Variants in TBCK observed in about 807,000 individuals in gnomAD.
The protein encoded by TBCK is TBC domain-containing protein kinase-like protein.
Under a neutral mutation model 113.4 loss-of-function variants are expected in TBCK, and 99 were observed. That is an observed-to-expected ratio of 0.87 (90% CI 0.74 to 1.03). The LOEUF is 1.03. Among genes scored for constraint, TBCK ranks in the 50% least tolerant of loss-of-function variants. The pLI, the probability that TBCK is intolerant of heterozygous loss-of-function variation, is 0.00. For missense variants in TBCK, 1,045 were observed against 1,061.3 expected (o/e 0.98, Z 0.21); for synonymous variants, 369 against 370.8 (o/e 1.00, Z 0.05).
intron 25 of TBCK, among the ~76,000 whole-genome samples, chr4:106,060,275 T>C (rs1013434354): frequency 2.6e-5 from 4 of 151,726 alleles, no homozygotes; most frequent in African/African-American, 9.7e-5. Flanking sequence ...TAACTAGAGA[T>C]AAGAGATCAA....
intron 23 of TBCK, among the ~76,000 whole-genome samples, chr4:106,158,275 C>A (rs1365964116): frequency 1.3e-5 from 2 of 152,020 alleles, no homozygotes; most frequent in African/African-American, 4.8e-5. Flanking sequence ...ACAGGCCGGG[C>A]GTGGTGGCTC....
intron 14 of TBCK, among the ~76,000 whole-genome samples, chr4:106,235,983 A>G (rs1759414862): frequency 6.6e-6 from 1 of 151,996 alleles, no homozygotes; most frequent in South Asian, 2.1e-4. Context: ...TCACTTTGCT[A>G]ATGCAGTATG....
intron 12 of TBCK, among the ~76,000 whole-genome samples, chr4:106,240,021 G>GA (rs913532338): frequency 2.3e-4 from 35 of 151,774 alleles, no homozygotes; most frequent in African/African-American, 8.0e-4. Flanking sequence ...TATAAAAAAG[G>GA]AAAAATGAAA....
chr4:106,281,742 C>T (rs1764617447), intron 3 of TBCK, among the ~76,000 whole-genome samples: 1 of 152,108 alleles, frequency 6.6e-6, no homozygotes, highest in Admixed American at 6.6e-5. Flanking sequence ...GTTGAACCAT[C>T]CTTGCATCCC....
chr4:106,187,536 C>G (rs1753165155), intron 22 of TBCK, among the ~76,000 whole-genome samples: 1 of 152,092 alleles, frequency 6.6e-6, no homozygotes, highest in African/African-American at 2.4e-5. Flanking sequence ...CTTGCCTCAG[C>G]CTCCTGAGTA....
intron 19 of TBCK, chr4:106,213,428 G>A (rs1756410541): frequency 6.3e-6 from 1 of 158,882 alleles, no homozygotes; most frequent in Non-Finnish European, 1.4e-5. Context: ...GCAGAAGACA[G>A]GTGATTTCTG....
At chr4:106,209,275 T>G (rs545010626) in intron 20 of TBCK, among the ~76,000 whole-genome samples, 66 of 152,260 alleles carry the variant, frequency 4.3e-4, no homozygotes, top group Non-Finnish European at 8.2e-4. Flanking sequence ...TATTGAGTAA[T>G]TCACTCACCC....
chr4:106,105,739 A>C (rs1168244170), intron 24 of TBCK, among the ~76,000 whole-genome samples: 5 of 150,374 alleles, frequency 3.3e-5, no homozygotes, highest in African/African-American at 1.2e-4. Context: ...GAAAATATCC[A>C]GAAAATAAGT....
In TBCK at chr4:106,241,138, T is replaced by C. The variant is rs560404369; in HGVS notation, c.1170+1332A>G. ...AATAAAATGTTGGAAAAAATCATAC[T>C]CATACTTACATATATATATATATTC... On this transcript the variant is annotated intron_variant, in intron 12 of 25. Coordinates refer to ENST00000394708, the MANE Select transcript of TBCK (RefSeq NM_001163435.3). Among the ~76,000 whole-genome samples the C allele has an allele frequency of 1.2e-3, 176 of 151,952 alleles. 1 individual carries two copies. Among genetic ancestry groups the C allele is most frequent in the Admixed American group, 2.2e-3 (33 of 15,224 alleles).
At chr4:106,251,454 A>G (rs570635052) in intron 6 of TBCK, among the ~76,000 whole-genome samples, 2 of 152,086 alleles carry the variant, frequency 1.3e-5, no homozygotes, top group South Asian at 2.1e-4. Context: ...AACTACAGGT[A>G]GAGTTCATTG....
intron 23 of TBCK, among the ~76,000 whole-genome samples, chr4:106,170,631 A>G (rs1750875109): frequency 1.3e-5 from 2 of 152,136 alleles, no homozygotes; most frequent in South Asian, 4.1e-4. Context: ...TGTATGAATT[A>G]TTATAACTGA....
At chr4:106,240,731 C>T (rs989269805) in intron 12 of TBCK, among the ~76,000 whole-genome samples, 1 of 151,888 alleles carries the variant, frequency 6.6e-6, no homozygotes, top group East Asian at 1.9e-4. Flanking sequence ...ATAAACAAAT[C>T]TTAAACTCTA....
intron 19 of TBCK, among the ~76,000 whole-genome samples, chr4:106,220,174 CAT>C (rs1277167226): frequency 6.6e-6 from 1 of 152,158 alleles, no homozygotes; most frequent in East Asian, 1.9e-4. Flanking sequence ...AGAATTCCCA[CAT>C]GTTGTGGGAG....
intron 25 of TBCK, among the ~76,000 whole-genome samples, chr4:106,052,208 A>G (rs1734888245): frequency 6.6e-6 from 1 of 151,814 alleles, no homozygotes; most frequent in African/African-American, 2.4e-5. Flanking sequence ...ACTCACAGAA[A>G]TAAAACCAGC....
chr4:106,253,272 G>A (rs894311871), intron 5 of TBCK, among the ~76,000 whole-genome samples: 3 of 152,056 alleles, frequency 2.0e-5, no homozygotes, highest in African/African-American at 7.2e-5. Flanking sequence ...TTTCAATCAA[G>A]ATTATCTATA....
At chr4:106,290,379 A>G (rs1040382161) in intron 3 of TBCK, among the ~76,000 whole-genome samples, 37 of 152,118 alleles carry the variant, frequency 2.4e-4, no homozygotes, top group South Asian at 8.3e-4. Context: ...GGGTTTCACC[A>G]TGTTAGCCAG....
At chr4:106,253,498 G>A (rs953553883) in intron 5 of TBCK, among the ~76,000 whole-genome samples, 4 of 152,106 alleles carry the variant, frequency 2.6e-5, no homozygotes, top group African/African-American at 4.8e-5. Flanking sequence ...TAGGATATGT[G>A]CACTTTCTAC....
chr4:106,248,149 A>G, intron 9 of TBCK, 96 bp downstream of exon 9: 1 of 712,638 alleles, frequency 1.4e-6, no homozygotes, highest in Admixed American at 3.0e-5. Context: ...CTCCATATGT[A>G]CATTATCTTT....
intron 23 of TBCK, among the ~76,000 whole-genome samples, chr4:106,144,006 A>G (rs1747465413): frequency 6.6e-6 from 1 of 152,106 alleles, no homozygotes; most frequent in Admixed American, 6.6e-5. Context: ...AATGGTAACC[A>G]TGCATCGCTA....
Sources: allele counts gnomAD v4.1 joint callset (sites outside exome capture counted in the v4.1 genomes callset), GRCh38; gene constraint gnomAD v4.1.1; transcripts MANE v1.5; gene names NCBI Gene and HGNC (gene_info 2026-07-23, HGNC 2026-07-21).